THSD7A: variants seen among roughly 807,000 people sequenced by gnomAD.
THSD7A encodes thrombospondin type-1 domain-containing protein 7A.
THSD7A carries 96 observed loss-of-function variants against 231.3 expected under a neutral mutation model. That is an observed-to-expected ratio of 0.41 (90% CI 0.35 to 0.49). The LOEUF is 0.49. Among genes scored for constraint, THSD7A ranks in the 20% least tolerant of loss-of-function variants. The pLI is 0.05. For synonymous variants in THSD7A, 940 were observed against 743.3 expected, an observed-to-expected ratio of 1.26 and a Z score of -4.30; for missense variants, 2,290 against 2,070.2, an observed-to-expected ratio of 1.11 and a Z score of -2.06.
chr7:11,602,282 G>A (rs1334565536), intron 2 of THSD7A, among the ~76,000 whole-genome samples: 3 of 151,984 alleles, frequency 2.0e-5, no homozygotes, highest in Non-Finnish European at 4.4e-5. Context: ...TAATATACAT[G>A]TATGTGTGTG....
At chr7:11,800,985 A>T (rs1166392231) in intron 1 of THSD7A, among the ~76,000 whole-genome samples, 3 of 152,086 alleles carry the variant, frequency 2.0e-5, no homozygotes, top group African/African-American at 4.8e-5. Context: ...TCAAGGGTAA[A>T]CATATATGTC....
chr7:11,804,342 A>G (rs922822992), intron 1 of THSD7A, among the ~76,000 whole-genome samples: 5 of 152,174 alleles, frequency 3.3e-5, no homozygotes, highest in Admixed American at 2.6e-4. Flanking sequence ...GTATTAAGAG[A>G]AAGATAGTGA....
Position 11,372,397 on chromosome 7 carries a change from TGTTAG to T in THSD7A, c.*3392_*3396del, listed in dbSNP as rs991656719. On this transcript the variant is annotated 3_prime_UTR_variant, in exon 28 of 28. Transcript: ENST00000423059. ...CTTATATGTCAATAAATATTTGCCT[TGTTAG>T]AAGTAATTTGTGCTTTGTTATAAGT... The T allele has an allele frequency of 1.3e-5, 2 of 151,798 alleles. No individual in the cohort carries two copies. Among genetic ancestry groups the T allele is most frequent in the African/African-American group, 4.8e-5 (2 of 41,328 alleles). 9.4% of individuals were successfully genotyped at this position (151,798 alleles called of 1,614,324 possible).
At chr7:11,676,107 T>G (rs1425800267) in intron 1 of THSD7A, among the ~76,000 whole-genome samples, 1 of 152,082 alleles carries the variant, frequency 6.6e-6, no homozygotes, top group Non-Finnish European at 1.5e-5. Flanking sequence ...CCTCTGCTGG[T>G]GATAACCAGG....
intron 1 of THSD7A, among the ~76,000 whole-genome samples, chr7:11,704,868 C>A (rs907654757): frequency 6.6e-6 from 1 of 150,934 alleles, no homozygotes; most frequent in African/African-American, 2.4e-5. Context: ...TATGATGTGG[C>A]ACCATAAAAA....
Position 11,590,787 on chromosome 7 carries a change from T to C in THSD7A, c.1272-146A>G. 1 of 912,918 alleles carries C rather than the reference T, an allele frequency of 1.1e-6. No homozygotes were observed. Among genetic ancestry groups the C allele is most frequent in the African/African-American group, 1.7e-5 (1 of 59,154 alleles). 56.6% of individuals were successfully genotyped at this position (912,918 alleles called of 1,614,324 possible). On this transcript the variant is annotated intron_variant, in intron 3 of 27. Transcript: ENST00000423059. This position sits in a 1 kb window ranked among gnomAD's most constrained non-coding sequence, Gnocchi z 4.4. ...GTAGACTACATCTATGGTGCATATTTGGTTTCAACTCCTTTATGCTCTGCA... is the reference window on the plus strand; with the variant it reads ...GTAGACTACATCTATGGTGCATATTCGGTTTCAACTCCTTTATGCTCTGCA...
At chr7:11,571,992 G>A (rs1790655972) in intron 4 of THSD7A, among the ~76,000 whole-genome samples, 1 of 151,668 alleles carries the variant, frequency 6.6e-6, no homozygotes, top group South Asian at 2.1e-4. Context: ...CTTCAAATAT[G>A]TTTTCTGTCA....
chr7:11,826,055 A>G (rs530287470), intron 1 of THSD7A, among the ~76,000 whole-genome samples: 110 of 152,338 alleles, frequency 7.2e-4, no homozygotes, highest in African/African-American at 2.5e-3. Flanking sequence ...AATAAGTACT[A>G]TTAGCATAAG....
intron 6 of THSD7A, among the ~76,000 whole-genome samples, chr7:11,531,720 T>C (rs996015015): frequency 1.3e-5 from 2 of 152,152 alleles, no homozygotes; most frequent in African/African-American, 4.8e-5. Flanking sequence ...GAAACTGACT[T>C]TGGAGAAAAG....
intron 1 of THSD7A, among the ~76,000 whole-genome samples, chr7:11,813,006 A>G (rs1243541662): frequency 6.6e-6 from 1 of 152,204 alleles, no homozygotes; most frequent in Non-Finnish European, 1.5e-5. Flanking sequence ...TACCATAAGA[A>G]TACAAGGAAG....
intron 2 of THSD7A, among the ~76,000 whole-genome samples, chr7:11,622,410 C>T (rs1053090743): frequency 6.6e-6 from 1 of 151,986 alleles, no homozygotes; most frequent in Non-Finnish European, 1.5e-5. Flanking sequence ...AATTACATGG[C>T]AATTTTACAT....
intron 6 of THSD7A, among the ~76,000 whole-genome samples, chr7:11,498,427 C>T (rs1415565172): frequency 6.6e-6 from 1 of 152,172 alleles, no homozygotes; most frequent in South Asian, 2.1e-4. Flanking sequence ...AACCTCCCAA[C>T]TGGGACCTCC....
intron 1 of THSD7A, among the ~76,000 whole-genome samples, chr7:11,659,740 T>A (rs373931666): frequency 2.0e-5 from 3 of 151,548 alleles, no homozygotes; most frequent in African/African-American, 7.3e-5. Flanking sequence ...ATGAATAAAA[T>A]GTCCAGCTGC....
chr7:11,769,135 A>ATTTTTTTTTTT (rs1562541189), intron 1 of THSD7A, among the ~76,000 whole-genome samples: 1 of 36,614 alleles, frequency 2.7e-5, no homozygotes, highest in Non-Finnish European at 6.1e-5. Flanking sequence ...ATATATATAT[A>ATTTTTTTTTTT]TATATATATA....
intron 23 of THSD7A, among the ~76,000 whole-genome samples, chr7:11,392,894 T>A (rs1024962932): frequency 6.6e-6 from 1 of 152,194 alleles, no homozygotes; most frequent in South Asian, 2.1e-4. Context: ...CAGGGGCTTA[T>A]AGATCAAACT....
chr7:11,812,105 TTGTGTGTGTGTGTG>T (rs34130500), intron 1 of THSD7A, among the ~76,000 whole-genome samples: 1 of 133,562 alleles, frequency 7.5e-6, no homozygotes, highest in Non-Finnish European at 1.6e-5. Context: ...GAAAAGAAAA[TTGTGTGTGTGTGTG>T]TGTGTGTGTG....
chr7:11,762,691 G>A (rs1183253036), intron 1 of THSD7A, among the ~76,000 whole-genome samples: 1 of 152,002 alleles, frequency 6.6e-6, no homozygotes, highest in African/African-American at 2.4e-5. Flanking sequence ...GAAGTTGTCT[G>A]CTTACTCTGT....
chr7:11,455,189 C>T (rs1248256558), intron 11 of THSD7A, among the ~76,000 whole-genome samples: 4 of 151,972 alleles, frequency 2.6e-5, no homozygotes, highest in African/African-American at 9.7e-5. Flanking sequence ...GTCTGCAAGT[C>T]AGGAAATAGG....
chr7:11,476,044 A>G (rs1786161256), intron 7 of THSD7A, among the ~76,000 whole-genome samples: 1 of 151,638 alleles, frequency 6.6e-6, no homozygotes, highest in South Asian at 2.1e-4. Context: ...TCCTTTTTAA[A>G]TGAAACTTGT....
Sources: allele counts gnomAD v4.1 joint callset (sites outside exome capture counted in the v4.1 genomes callset), GRCh38; gene constraint gnomAD v4.1.1; non-coding constraint Gnocchi (gnomAD v3.1); transcripts MANE v1.5; gene names NCBI Gene and HGNC (gene_info 2026-07-23, HGNC 2026-07-21).